Variants in GRIN2C observed in about 807,000 individuals in gnomAD.
The protein encoded by GRIN2C is glutamate receptor ionotropic, NMDA 2C.
GRIN2C carries 64 observed loss-of-function variants against 77.7 expected under a neutral mutation model. The ratio of observed to expected loss-of-function variants is 0.82; its 90% CI spans 0.67 to 1.01. The LOEUF (loss-of-function observed/expected upper bound fraction) is 1.01. Ranked by LOEUF, GRIN2C falls within the 50% of genes least tolerant of loss-of-function variation. The pLI is 0.00. For synonymous variants in GRIN2C, 792 were observed against 643.4 expected, an observed-to-expected ratio of 1.23 and a Z score of -3.49; for missense variants, 1,549 against 1,486.0, an observed-to-expected ratio of 1.04 and a Z score of -0.70.
At position 74,850,398 on chromosome 17, in the gene GRIN2C, C is replaced by T. The variant is rs775613103; in HGVS notation, c.1326-27G>A. 13 of 1,604,350 alleles carry T rather than the reference C, an allele frequency of 8.1e-6. No individual in the cohort carries two copies. The highest frequency in any genetic ancestry group is 4.0e-5 in the African/African-American group (3 of 74,860). The stretch of plus-strand genomic sequence containing the variant: ...TGCAGCCATGCCGCCATGAGACCAC[C>T]GGGAGTCAGAGTATGTCGTGGCCCA... On this transcript the variant is annotated intron_variant, in intron 5 of 12. Transcript: ENST00000293190. This position sits in a 1 kb window ranked among gnomAD's most constrained non-coding sequence, Gnocchi z 5.3.
In GRIN2C at chr17:74,850,759, G is replaced by A; in HGVS notation, c.1122C>T (p.Arg374=). ...NRHRLWEMVG[R]WEHGVLYMKY... is the part of the protein sequence containing the mutation. ...TCATGTATAGGACGCCATGCTCCCAGCGCCCCACCTGTGGAGGGTGACAGC... is the reference window on the plus strand; with the variant it reads ...TCATGTATAGGACGCCATGCTCCCAACGCCCCACCTGTGGAGGGTGACAGC... The change falls in exon 5 of 13, where the codon CGC becomes CGT. Residue 374 remains arginine, a synonymous_variant. Transcript: ENST00000293190. This position sits in a 1 kb window ranked among gnomAD's most constrained non-coding sequence, Gnocchi z 5.3. The A allele has an allele frequency of 1.2e-6, 2 of 1,611,598 alleles. No homozygotes were observed. The highest frequency in any genetic ancestry group is 1.7e-6 in the Non-Finnish European group (2 of 1,179,240).
chr17:74,852,435 A>G lies in GRIN2C; in HGVS notation c.576T>C (p.Ser192=). 6.5e-7 allele frequency: 1 copy of G among 1,533,494 alleles called. No homozygotes were observed. The highest frequency in any genetic ancestry group is 2.6e-5 in the East Asian group (1 of 38,558). The allele number at this position is 1,533,494 out of a possible 1,614,324, so 95.0% of individuals were successfully genotyped here. A position where few individuals can be genotyped will look rare whatever the true frequency, so the allele number is the denominator to read the frequency against. Residue 192 remains serine (S), a synonymous_variant, in exon 3 of 13, where the codon AGT becomes AGC. Coordinates refer to ENST00000293190, the MANE Select transcript of GRIN2C (RefSeq NM_000835.6). ...GCGTGACCACGTCCAGCAGCCGCCA[A>G]CTCACGTGGCTGGCGTCGGCGACGG... The part of the protein sequence containing the change: ...VRAVADASHV[S]WRLLDVVTLE...
rs1598476295 is a variant in GRIN2C, at chr17:74,846,651, C to T, written c.2162+109G>A. 3 of 1,204,772 alleles carry T rather than the reference C, an allele frequency of 2.5e-6. No individual in the cohort carries two copies. The highest frequency in any genetic ancestry group is 2.4e-5 in the East Asian group (1 of 42,020). The allele number at this position is 1,204,772 out of a possible 1,614,324, so 74.6% of individuals were successfully genotyped here. A position where few individuals can be genotyped will look rare whatever the true frequency, so the allele number is the denominator to read the frequency against. On this transcript the variant is annotated intron_variant, in intron 10 of 12. Transcript: ENST00000293190. This position sits in a 1 kb window ranked among gnomAD's most constrained non-coding sequence, Gnocchi z 4.4. ...CCCAAGACCTCTTCCCTCCACCCCA[C>T]AGGAGTCCTGCAGGACAGCCCAGTC... is the stretch of plus-strand genomic sequence containing the variant.
rs749064903 is a variant in GRIN2C, at chr17:74,847,461, G to A, written c.1848C>T (p.Pro616=). The change falls in exon 9 of 13, where the codon CCC becomes CCT. Residue 616 remains proline (P), a synonymous_variant. Transcript: ENST00000293190. This position sits in a 1 kb window ranked among gnomAD's most constrained non-coding sequence, Gnocchi z 5.2. The stretch of plus-strand genomic sequence containing the variant: ...TGGTGGTGCCCCGCGGGTTCTCGAT[G>A]GGCACTGAGTTGTTGAAGACCAGCG... ...LWALVFNNSV[P]IENPRGTTSK... 1.2e-6 allele frequency: 2 copies of A among 1,614,052 alleles called. No individual in the cohort carries two copies. The highest frequency in any genetic ancestry group is 3.3e-5 in the Admixed American group (2 of 60,024).
chr17:74,860,354 C>G (rs1274134248), upstream of GRIN2C: 1 of 450,766 alleles, frequency 2.2e-6, no homozygotes, highest in Non-Finnish European at 4.5e-6. Context: ...GCTGGGGGAC[C>G]GAGCCAGAAG....
At chr17:74,843,819 T>C (rs1027996161) in intron 12 of GRIN2C, among the ~76,000 whole-genome samples, 1 of 151,702 alleles carries the variant, frequency 6.6e-6, no homozygotes, top group African/African-American at 2.4e-5. Context: ...GGGGGGACTC[T>C]GACCCTCTTC....
chr17:74,857,190 G>A (rs2037841743), intron 1 of GRIN2C, among the ~76,000 whole-genome samples: 1 of 152,058 alleles, frequency 6.6e-6, no homozygotes, highest in East Asian at 1.9e-4. Flanking sequence ...AAACTCCCCA[G>A]CCTCCCCGTC....
chr17:74,857,596 G>A (rs2037850892), intron 1 of GRIN2C, among the ~76,000 whole-genome samples: 1 of 152,126 alleles, frequency 6.6e-6, no homozygotes, highest in Non-Finnish European at 1.5e-5. Context: ...CATGCTTGTC[G>A]CTCCCCTTGC....
In GRIN2C at chr17:74,842,079, G is replaced by A. The variant is rs1357469252; in HGVS notation, c.*356C>T. ...CTCTGATGAGAAGAAACTCTAGCCA[G>A]GTAGAGCAAGGATCGGGATGGCCCT... On this transcript the variant is annotated 3_prime_UTR_variant, in exon 13 of 13. Transcript: ENST00000293190. 3.7e-6 allele frequency: 1 copy of A among 266,850 alleles called. No individual in the cohort carries two copies. Among genetic ancestry groups the A allele is most frequent in the African/African-American group, 2.3e-5 (1 of 43,998 alleles). The allele number at this position is 266,850 out of a possible 1,614,324, so 16.5% of individuals were successfully genotyped here.
chr17:74,857,580 C>A lies in GRIN2C; in HGVS notation c.-16+2164G>T, dbSNP rs186529327. On this transcript the variant is annotated intron_variant, in intron 1 of 12. Transcript: ENST00000293190. ...GATGTCAGATCTCAACCACAAAGGA[C>A]ACTGACATGCTTGTCGCTCCCCTTG... 2.0e-5 allele frequency among the ~76,000 whole-genome samples: 3 copies of A among 152,338 alleles called. No individual in the cohort carries two copies. The East Asian group carries it at 5.8e-4, about 29-fold the overall frequency.
Position 74,847,687 on chromosome 17 carries a change from C to T in GRIN2C, c.1772-150G>A. 1.2e-6 allele frequency: 1 copy of T among 865,670 alleles called. No homozygotes were observed. The highest frequency in any genetic ancestry group is 2.6e-5 in the East Asian group (1 of 37,784). 53.6% of individuals were successfully genotyped at this position (865,670 alleles called of 1,614,324 possible). A position where few individuals can be genotyped will look rare whatever the true frequency, so the allele number is the denominator to read the frequency against. On this transcript the variant is annotated intron_variant, in intron 8 of 12. Coordinates refer to ENST00000293190, the MANE Select transcript of GRIN2C (RefSeq NM_000835.6). The surrounding 1 kb of genome is among the most constrained non-coding windows in gnomAD (Gnocchi z 5.2). ...ATTCCCTCGCCAGGTGAAGTGAGCT[C>T]ACGTGTGTGTTTCTGTGTGTGTGTG...
At position 74,851,995 on chromosome 17, in the gene GRIN2C, C is replaced by G. The variant is rs747560502; in HGVS notation, c.998+18G>C. The G allele has an allele frequency of 4.8e-6, 7 of 1,462,446 alleles. No homozygotes were observed. The highest frequency in any genetic ancestry group is 4.4e-5 in the South Asian group (3 of 67,944). 90.6% of individuals were successfully genotyped at this position (1,462,446 alleles called of 1,614,324 possible). A position where few individuals can be genotyped will look rare whatever the true frequency, so the allele number is the denominator to read the frequency against. Reference sequence around the variant, plus strand: ...CGCTCCCCACCTCCCTACCCCTATGCCCCGGGCAGGTGCCCACCTGTAGAA... The same window carrying G: ...CGCTCCCCACCTCCCTACCCCTATGGCCCGGGCAGGTGCCCACCTGTAGAA... On this transcript the variant is annotated intron_variant, in intron 3 of 12. Coordinates refer to ENST00000293190, the MANE Select transcript of GRIN2C (RefSeq NM_000835.6).
rs2037784392 is a variant in GRIN2C, at chr17:74,855,121, A to C, written c.-15-14T>G. The C allele has an allele frequency of 6.5e-7, 1 of 1,539,470 alleles. No homozygotes were observed. Among genetic ancestry groups the C allele is most frequent in the Non-Finnish European group, 8.7e-7 (1 of 1,149,368 alleles). Reference sequence around the variant, plus strand: ...CACCGGAGGGTCCTGCGGAGAGACCAGAACAAGCACAGGGAGAGAGACAGA... The same window carrying C: ...CACCGGAGGGTCCTGCGGAGAGACCCGAACAAGCACAGGGAGAGAGACAGA... On this transcript the variant is annotated splice_polypyrimidine_tract_variant and intron_variant, in intron 1 of 12. Transcript: ENST00000293190.
rs1042994906 is a variant in GRIN2C, at chr17:74,859,078, C to T, written c.-16+666G>A. On this transcript the variant is annotated intron_variant, in intron 1 of 12. Transcript: ENST00000293190. The surrounding 1 kb of genome is among the most constrained non-coding windows in gnomAD (Gnocchi z 5.9). ...CCCTCCACCCCTCCATTCTGCCCTGCGGCAGGTGTGTGTGCACTCATTAAC... is the reference window on the plus strand; with the variant it reads ...CCCTCCACCCCTCCATTCTGCCCTGTGGCAGGTGTGTGTGCACTCATTAAC... Among the ~76,000 whole-genome samples, 2 of 152,172 alleles carry T rather than the reference C, an allele frequency of 1.3e-5. No homozygotes were observed. The highest frequency in any genetic ancestry group is 1.3e-4 in the Admixed American group (2 of 15,288).
At chr17:74,844,156 G>A in intron 12 of GRIN2C, 120 bp downstream of exon 12, 1 of 1,484,270 alleles carries the variant, frequency 6.7e-7, no homozygotes, top group East Asian at 2.4e-5. Context: ...TTACAGGTGT[G>A]AGCCATGAGC....
At chr17:74,844,932 ATTG>A (rs1462133706) in intron 11 of GRIN2C, among the ~76,000 whole-genome samples, 1 of 150,984 alleles carries the variant, frequency 6.6e-6, no homozygotes, top group Admixed American at 6.6e-5. Context: ...TATTATTATT[ATTG>A]TTATTATTAT....
chr17:74,852,000 G>A lies in GRIN2C; in HGVS notation c.998+13C>T. 1 of 1,467,430 alleles carries A rather than the reference G, an allele frequency of 6.8e-7. No individual in the cohort carries two copies. Among genetic ancestry groups the A allele is most frequent in the Non-Finnish European group, 9.0e-7 (1 of 1,107,314 alleles). The allele number at this position is 1,467,430 out of a possible 1,614,324, so 90.9% of individuals were successfully genotyped here. On this transcript the variant is annotated intron_variant, in intron 3 of 12. Transcript: ENST00000293190. ...CCCACCTCCCTACCCCTATGCCCCG[G>A]GCAGGTGCCCACCTGTAGAAGGCCT... is the stretch of plus-strand genomic sequence containing the variant.
In GRIN2C at chr17:74,846,079, C is replaced by G. The variant is rs1297586744; in HGVS notation, c.2337G>C (p.Gln779His). The part of the protein sequence containing the change: ...WKRAIDLALL[Q>H]FLGDGETQKL... ...GGCAGTACCCACCGTCCCCCAGGAACTGCAAGAGCGCCAGGTCTATGGCCC... is the reference window on the plus strand; with the variant it reads ...GGCAGTACCCACCGTCCCCCAGGAAGTGCAAGAGCGCCAGGTCTATGGCCC... The change falls in exon 11 of 13, where the codon CAG becomes CAC. Residue 779 changes from glutamine (Q) to histidine (H), a missense_variant. This residue lies in a region of GRIN2C where 717 missense variants were observed against 858.1 expected (regional missense o/e 0.84). Coordinates refer to ENST00000293190, the MANE Select transcript of GRIN2C (RefSeq NM_000835.6). This position sits in a 1 kb window ranked among gnomAD's most constrained non-coding sequence, Gnocchi z 4.4. The G allele has an allele frequency of 6.2e-7, 1 of 1,614,044 alleles. No individual in the cohort carries two copies. Among genetic ancestry groups the G allele is most frequent in the Non-Finnish European group, 8.5e-7 (1 of 1,179,982 alleles).
rs983263694 is a variant in GRIN2C, at chr17:74,847,113, C to G, written c.2002-193G>C. On this transcript the variant is annotated intron_variant, in intron 9 of 12. Transcript: ENST00000293190. This position sits in a 1 kb window ranked among gnomAD's most constrained non-coding sequence, Gnocchi z 5.2. Reference sequence around the variant, plus strand: ...GGCCCAAGACAGGGAGAGACTTACCCAAGGCCTCTCAGCCGGTGGCCCTGA... The same window carrying G: ...GGCCCAAGACAGGGAGAGACTTACCGAAGGCCTCTCAGCCGGTGGCCCTGA... The G allele has an allele frequency of 4.1e-6, 3 of 725,940 alleles. No homozygotes were observed. Among genetic ancestry groups the G allele is most frequent in the Non-Finnish European group, 6.7e-6 (3 of 448,610 alleles). The allele number at this position is 725,940 out of a possible 1,614,324, so 45.0% of individuals were successfully genotyped here.
Sources: gnomAD v4.1 joint callset for allele counts (sites outside exome capture counted in the v4.1 genomes callset) on GRCh38, gnomAD v4.1.1 for gene constraint, gnomAD v4.1.1 regional missense constraint, Gnocchi (gnomAD v3.1) non-coding constraint, MANE v1.5 for transcripts, NCBI Gene and HGNC (gene_info 2026-07-23, HGNC 2026-07-21) for gene names.